TSKU: variants seen among roughly 807,000 people sequenced by gnomAD.
TSKU encodes the protein tsukushi, small leucine rich proteoglycan.
Under a neutral mutation model 11.2 loss-of-function variants are expected in TSKU, and 4 were observed. The ratio of observed to expected loss-of-function variants is 0.36; its 90% CI spans 0.18 to 0.82. The LOEUF (loss-of-function observed/expected upper bound fraction) is 0.82, where lower values mean the gene tolerates loss of function less well. TSKU is among the 40% of genes least tolerant of loss of function. The pLI is 0.50. For missense variants in TSKU, 407 were observed against 482.5 expected (o/e 0.84, Z 1.47); for synonymous variants, 220 against 232.2 (o/e 0.95, Z 0.48).
chr11:76,793,835 G>A (rs1487861159), intron 1 of TSKU, among the ~76,000 whole-genome samples: 1 of 152,148 alleles, frequency 6.6e-6, no homozygotes, highest in Non-Finnish European at 1.5e-5. Context: ...TGGGGAGGGG[G>A]GCAGGGGAGA....
In TSKU at chr11:76,797,364, C is replaced by T. The variant is rs1944467934; in HGVS notation, c.*686C>T. ...CTTGTCTCCTCTAATAAGCCCCACC[C>T]TCCCCGCCTGGGCTCCCCTTGCTGC... On this transcript the variant is annotated 3_prime_UTR_variant, in exon 2 of 2. Coordinates refer to ENST00000333090, the MANE Select transcript of TSKU (RefSeq NM_015516.4). 1 of 167,234 alleles carries T rather than the reference C, an allele frequency of 6.0e-6. No homozygotes were observed. Among genetic ancestry groups the T allele is most frequent in the South Asian group, 2.1e-4 (1 of 4,836 alleles). 10.4% of individuals were successfully genotyped at this position (167,234 alleles called of 1,614,324 possible). A position where few individuals can be genotyped will look rare whatever the true frequency, so the allele number is the denominator to read the frequency against.
At chr11:76,791,057 G>T (rs1944364029) in intron 1 of TSKU, among the ~76,000 whole-genome samples, 1 of 152,194 alleles carries the variant, frequency 6.6e-6, no homozygotes, top group Admixed American at 6.5e-5. Flanking sequence ...CTGGAGCAAA[G>T]GTGACTGTTG....
At position 76,797,005 on chromosome 11, in the gene TSKU, G is replaced by A. The variant is rs2134409253; in HGVS notation, c.*327G>A. 4.3e-6 allele frequency: 1 copy of A among 230,514 alleles called. No individual in the cohort carries two copies. Among genetic ancestry groups the A allele is most frequent in the South Asian group, 1.7e-4 (1 of 5,748 alleles). The allele number at this position is 230,514 out of a possible 1,614,324, so 14.3% of individuals were successfully genotyped here. A position where few individuals can be genotyped will look rare whatever the true frequency, so the allele number is the denominator to read the frequency against. ...GCCTGGGCCGGCCTGACCCGCAATG[G>A]GCAGAGGGTGGGTGGGACCCCCTGC... On this transcript the variant is annotated 3_prime_UTR_variant, in exon 2 of 2. Transcript: ENST00000333090.
chr11:76,791,476 C>T (rs892983162), intron 1 of TSKU, among the ~76,000 whole-genome samples: 2 of 152,000 alleles, frequency 1.3e-5, no homozygotes, highest in African/African-American at 4.8e-5. Flanking sequence ...AGGCCAGGCC[C>T]AGGATCTCCA....
At position 76,796,863 on chromosome 11, in the gene TSKU, C is replaced by A. The variant is rs962205776; in HGVS notation, c.*185C>A. 4.4e-6 allele frequency: 2 copies of A among 449,828 alleles called. No individual in the cohort carries two copies. The highest frequency in any genetic ancestry group is 4.0e-5 in the African/African-American group (2 of 49,908). The allele number at this position is 449,828 out of a possible 1,614,324, so 27.9% of individuals were successfully genotyped here. ...GGAGCCACACCTAGGAGCAAAGTCT[C>A]ACCCCTTTGTCTACGTTGCTTCCCC... On this transcript the variant is annotated 3_prime_UTR_variant, in exon 2 of 2. Transcript: ENST00000333090. This position sits in a 1 kb window ranked among gnomAD's most constrained non-coding sequence, Gnocchi z 4.1.
intron 1 of TSKU, among the ~76,000 whole-genome samples, chr11:76,790,355 G>A (rs949395130): frequency 5.3e-5 from 8 of 152,106 alleles, no homozygotes; most frequent in Non-Finnish European, 1.0e-4. Flanking sequence ...GGAAGTAGTC[G>A]GTGACTGTGT....
chr11:76,793,325 T>A (rs184213232), intron 1 of TSKU, among the ~76,000 whole-genome samples: 1 of 152,362 alleles, frequency 6.6e-6, no homozygotes, highest in African/African-American at 2.4e-5. Context: ...TAAGGGTTAA[T>A]CAACTTAGGT....
At chr11:76,787,950 T>C (rs1298404526) in intron 1 of TSKU, among the ~76,000 whole-genome samples, 4 of 152,130 alleles carry the variant, frequency 2.6e-5, no homozygotes, top group Admixed American at 2.6e-4. Context: ...AGAAGTGAGA[T>C]GCTGGTGGAG....
In TSKU at chr11:76,797,630, C is replaced by T. The variant is rs1397549202; in HGVS notation, c.*952C>T. The T allele has an allele frequency of 6.0e-6, 1 of 167,228 alleles. No individual in the cohort carries two copies. The highest frequency in any genetic ancestry group is 1.5e-5 in the Non-Finnish European group (1 of 68,240). The allele number at this position is 167,228 out of a possible 1,614,324, so 10.4% of individuals were successfully genotyped here. On this transcript the variant is annotated 3_prime_UTR_variant, in exon 2 of 2. Coordinates refer to ENST00000333090, the MANE Select transcript of TSKU (RefSeq NM_015516.4). Reference sequence around the variant, plus strand: ...TCCCCTGAGCATCCTCTAGATGCTGCCCCAAGGAGTTGCTGCAGTTCTGGA... The same window carrying T: ...TCCCCTGAGCATCCTCTAGATGCTGTCCCAAGGAGTTGCTGCAGTTCTGGA...
intron 1 of TSKU, among the ~76,000 whole-genome samples, chr11:76,793,580 G>C (rs564000348): frequency 6.6e-6 from 1 of 152,312 alleles, no homozygotes; most frequent in South Asian, 2.1e-4. Flanking sequence ...AGGAAGGGTG[G>C]GTATGAATGA....
chr11:76,794,462 C>T (rs1416665134), intron 1 of TSKU, among the ~76,000 whole-genome samples: 2 of 152,242 alleles, frequency 1.3e-5, no homozygotes, highest in Non-Finnish European at 2.9e-5. Context: ...ACCAGCTACT[C>T]TGCCAGTCCT....
chr11:76,784,054 A>G (rs895769474), intron 1 of TSKU: 3 of 152,424 alleles, frequency 2.0e-5, no homozygotes. Context: ...GTCCCAGGAC[A>G]GCAAGGGGCT....
chr11:76,788,150 GAGTGAACTC>G (rs1944329951), intron 1 of TSKU, among the ~76,000 whole-genome samples: 1 of 152,034 alleles, frequency 6.6e-6, no homozygotes, highest in Non-Finnish European at 1.5e-5. Flanking sequence ...GCATCAGCTT[GAGTGAACTC>G]ATGACTGAGG....
chr11:76,785,624 G>C (rs1944304150), intron 1 of TSKU, among the ~76,000 whole-genome samples: 1 of 152,216 alleles, frequency 6.6e-6, no homozygotes, highest in Non-Finnish European at 1.5e-5. Context: ...TGAATTGGAA[G>C]TGAACTTGAG....
rs896901454 is a variant in TSKU at position 76,796,190 on chromosome 11, G to T, written c.574G>T (p.Ala192Ser). 1 of 1,613,452 alleles carries T rather than the reference G, an allele frequency of 6.2e-7. No homozygotes were observed. The highest frequency in any genetic ancestry group is 1.3e-5 in the African/African-American group (1 of 74,884). Residue 192 changes from alanine (A) to serine (S), a missense_variant, in exon 2 of 2, where the codon GCC (alanine) becomes TCC (serine). Transcript: ENST00000333090. This position sits in a 1 kb window ranked among gnomAD's most constrained non-coding sequence, Gnocchi z 4.1. Reference sequence around the variant, plus strand: ...GCCCACCATTCAGAGCCTGAACCTGGCCTGGAACCGGCTCCATGCCGTGCC... The same window carrying T: ...GCCCACCATTCAGAGCCTGAACCTGTCCTGGAACCGGCTCCATGCCGTGCC... Reference protein sequence around the residue: ...PAPTIQSLNLAWNRLHAVPNL... With the variant: ...PAPTIQSLNLSWNRLHAVPNL...
intron 1 of TSKU, among the ~76,000 whole-genome samples, chr11:76,787,591 C>A (rs1347022348): frequency 6.6e-6 from 1 of 152,156 alleles, no homozygotes; most frequent in Non-Finnish European, 1.5e-5. Flanking sequence ...GTTGAGGAAG[C>A]ATGGGAGAGG....
In TSKU at chr11:76,796,087, C is replaced by T. The variant is rs773631692; in HGVS notation, c.471C>T (p.Gly157=). The change falls in exon 2 of 2, where the codon GGC becomes GGT. Residue 157 remains glycine, a synonymous_variant. Coordinates refer to ENST00000333090, the MANE Select transcript of TSKU (RefSeq NM_015516.4). This position sits in a 1 kb window ranked among gnomAD's most constrained non-coding sequence, Gnocchi z 4.1. Reference sequence around the variant, plus strand: ...CTGCCTTCACGACGCACAGTCAGGGCCGGGCACTACACGTGGACCTCTCCC... The same window carrying T: ...CTGCCTTCACGACGCACAGTCAGGGTCGGGCACTACACGTGGACCTCTCCC... The part of the protein sequence containing the change: ...SVSAFTTHSQ[G]RALHVDLSHN... 3.7e-6 allele frequency: 6 copies of T among 1,614,078 alleles called. No homozygotes were observed. The East Asian group carries it at 1.3e-4, about 36-fold the overall frequency.
At chr11:76,788,376 G>T (rs1364347332) in intron 1 of TSKU, among the ~76,000 whole-genome samples, 1 of 152,056 alleles carries the variant, frequency 6.6e-6, no homozygotes, top group Non-Finnish European at 1.5e-5. Context: ...GGCCAGGTAG[G>T]TTCAAGCTGG....
In TSKU at chr11:76,796,487, C is replaced by G. The variant is rs776667905; in HGVS notation, c.871C>G (p.Leu291Val). 9.9e-6 allele frequency: 16 copies of G among 1,612,376 alleles called. No homozygotes were observed. Among genetic ancestry groups the G allele is most frequent in the East Asian group, 4.5e-5 (2 of 44,852 alleles). ...GGAGCTGGACCTTTCGGGCACCAACCTGGTGCCCCTGCCTGAGGCGCTGCT... is the reference window on the plus strand; with the variant it reads ...GGAGCTGGACCTTTCGGGCACCAACGTGGTGCCCCTGCCTGAGGCGCTGCT... ...LQELDLSGTN[L>V]VPLPEALLLH... The change falls in exon 2 of 2, where the codon CTG becomes GTG. Residue 291 changes from leucine to valine, a missense_variant. Coordinates refer to ENST00000333090, the MANE Select transcript of TSKU (RefSeq NM_015516.4). The surrounding 1 kb of genome is among the most constrained non-coding windows in gnomAD (Gnocchi z 4.1).
Sources: gnomAD v4.1 joint callset for allele counts (sites outside exome capture counted in the v4.1 genomes callset) on GRCh38, gnomAD v4.1.1 for gene constraint, Gnocchi (gnomAD v3.1) non-coding constraint, MANE v1.5 for transcripts, NCBI Gene and HGNC (gene_info 2026-07-23, HGNC 2026-07-21) for gene names.